PITPNM3: variants seen among roughly 807,000 people sequenced by gnomAD.
PITPNM3 encodes the protein PITPNM family member 3.
In PITPNM3, 26 loss-of-function variants were observed where a neutral mutation model predicts 102.0. The ratio of observed to expected loss-of-function variants is 0.25; its 90% confidence interval spans 0.19 to 0.35. The LOEUF (loss-of-function observed/expected upper bound fraction) is 0.35. Among genes scored for constraint, PITPNM3 ranks in the 10% least tolerant of loss-of-function variants. The pLI is 1.00. For missense variants in PITPNM3, 1,083 were observed against 1,346.1 expected (o/e 0.80, Z 3.06); for synonymous variants, 578 against 558.6 (o/e 1.03, Z -0.49).
intron 2 of PITPNM3, among the ~76,000 whole-genome samples, chr17:6,529,461 G>A (rs1484098910): frequency 6.6e-6 from 1 of 152,068 alleles, no homozygotes; most frequent in Non-Finnish European, 1.5e-5. Context: ...GGGCGTGGGG[G>A]CGGGTGTCTG....
At chr17:6,544,654 T>TCTCTCTCTCTCTCTCTCTCTCTCACA (rs376230474) in intron 1 of PITPNM3, among the ~76,000 whole-genome samples, 2 of 130,204 alleles carry the variant, frequency 1.5e-5, no homozygotes, top group Admixed American at 1.6e-4. Flanking sequence ...TCTCTCTCTC[T>TCTCTCTCTCTCTCTCTCTCTCTCACA]CACACACACA....
chr17:6,456,089 T>C (rs1252155738), intron 19 of PITPNM3, among the ~76,000 whole-genome samples: 2 of 152,180 alleles, frequency 1.3e-5, no homozygotes, highest in South Asian at 4.2e-4. Context: ...AGTAGCCCAG[T>C]CTCAGCTCAC....
At chr17:6,497,929 C>T (rs73978304) in intron 4 of PITPNM3, among the ~76,000 whole-genome samples, 2,269 of 152,312 alleles carry the variant, frequency 0.015, 62 homozygotes, top group African/African-American at 0.051. Context: ...CCTCGTGGAG[C>T]TGCTGAGACT....
intron 10 of PITPNM3, among the ~76,000 whole-genome samples, chr17:6,473,678 T>C (rs1198291558): frequency 6.6e-6 from 1 of 152,012 alleles, no homozygotes; most frequent in Non-Finnish European, 1.5e-5. Flanking sequence ...GAAAAGGCAT[T>C]CGAGGTTGCA....
intron 3 of PITPNM3, among the ~76,000 whole-genome samples, chr17:6,503,778 G>C (rs767377053): frequency 6.6e-6 from 1 of 152,048 alleles, no homozygotes; most frequent in Non-Finnish European, 1.5e-5. Context: ...GCCATTTCTG[G>C]GGAGAGTACG....
At chr17:6,531,150 A>G (rs781204427) in intron 2 of PITPNM3, among the ~76,000 whole-genome samples, 65 of 152,240 alleles carry the variant, frequency 4.3e-4, no homozygotes, top group Non-Finnish European at 7.6e-4. Context: ...TCCAATATCC[A>G]AATAATTGGA....
intron 3 of PITPNM3, among the ~76,000 whole-genome samples, chr17:6,507,651 C>T (rs1323903935): frequency 2.0e-5 from 3 of 152,240 alleles, no homozygotes; most frequent in Admixed American, 6.5e-5. Flanking sequence ...AACAGCAAAC[C>T]CAATACCTGC....
intron 1 of PITPNM3, among the ~76,000 whole-genome samples, chr17:6,544,977 G>A (rs1463119451): frequency 6.6e-6 from 1 of 152,124 alleles, no homozygotes; most frequent in African/African-American, 2.4e-5. Flanking sequence ...GCTTCCTACA[G>A]CCTGGCCGAG....
At chr17:6,522,002 C>T (rs1398279464) in intron 3 of PITPNM3, among the ~76,000 whole-genome samples, 2 of 152,178 alleles carry the variant, frequency 1.3e-5, no homozygotes, top group African/African-American at 2.4e-5. Context: ...AAAATTCACA[C>T]ATGAGTAATT....
chr17:6,524,923 A>G (rs76427234), intron 3 of PITPNM3, among the ~76,000 whole-genome samples: 3 of 151,720 alleles, frequency 2.0e-5, no homozygotes, highest in African/African-American at 4.8e-5. Context: ...TTCTTCAACA[A>G]CTCCACCAAA....
rs138307022 is a variant in PITPNM3 at position 6,475,109 on chromosome 17, GC to G, written c.1086-506del. Among the ~76,000 whole-genome samples, 438 of 152,314 alleles carry G rather than the reference GC, an allele frequency of 2.9e-3. 3 individuals are homozygous for G. The highest frequency in any genetic ancestry group is 0.01 in the African/African-American group (419 of 41,578). ...GCCCAGCCTGCCCAACACTCAGCTG[GC>G]TAACGTCAGTTCTGTTCTGCTGGGA... On this transcript the variant is annotated intron_variant, in intron 9 of 19. Coordinates refer to ENST00000262483, the MANE Select transcript of PITPNM3 (RefSeq NM_031220.4).
At chr17:6,496,863 C>T (rs891744081) in intron 4 of PITPNM3, among the ~76,000 whole-genome samples, 2 of 152,268 alleles carry the variant, frequency 1.3e-5, no homozygotes, top group Admixed American at 6.5e-5. Flanking sequence ...CAGAGACGCA[C>T]ACTCATCCTC....
intron 4 of PITPNM3, among the ~76,000 whole-genome samples, chr17:6,484,527 G>A (rs934149932): frequency 2.0e-5 from 3 of 152,210 alleles, no homozygotes; most frequent in Admixed American, 6.5e-5. Flanking sequence ...AGGCCATCGC[G>A]GATGGTGCTC....
chr17:6,547,190 G>A (rs1053387645), intron 1 of PITPNM3, among the ~76,000 whole-genome samples: 2 of 150,870 alleles, frequency 1.3e-5, no homozygotes, highest in African/African-American at 2.5e-5. Flanking sequence ...CTGTCATGCC[G>A]CCTGTTTCTA....
chr17:6,516,433 G>A (rs1304038598), intron 3 of PITPNM3, among the ~76,000 whole-genome samples: 4 of 140,998 alleles, frequency 2.8e-5, no homozygotes, highest in East Asian at 1.9e-4. Context: ...GCGTGGTGGC[G>A]GGCACCTGTA....
At chr17:6,550,855 T>C (rs1340821852) in intron 1 of PITPNM3, among the ~76,000 whole-genome samples, 1 of 152,226 alleles carries the variant, frequency 6.6e-6, no homozygotes, top group East Asian at 1.9e-4. Context: ...GGTCACAGGC[T>C]TGAGGTGGAA....
chr17:6,490,630 T>G (rs1906399807), intron 4 of PITPNM3, among the ~76,000 whole-genome samples: 1 of 151,870 alleles, frequency 6.6e-6, no homozygotes, highest in Non-Finnish European at 1.5e-5. Context: ...TGGGGCAAAT[T>G]AATAAACAAA....
chr17:6,516,456 C>T (rs1306049212), intron 3 of PITPNM3, among the ~76,000 whole-genome samples: 4 of 148,522 alleles, frequency 2.7e-5, no homozygotes, highest in Non-Finnish European at 4.4e-5. Context: ...CCCAGCTACT[C>T]GGGAGGCTGA....
intron 2 of PITPNM3, among the ~76,000 whole-genome samples, chr17:6,532,804 T>C (rs1365972990): frequency 6.6e-6 from 1 of 152,048 alleles, no homozygotes; most frequent in Non-Finnish European, 1.5e-5. Context: ...TGCTTTCTTT[T>C]TCTTGGGGAA....
Sources: allele counts gnomAD v4.1 joint callset (sites outside exome capture counted in the v4.1 genomes callset), GRCh38; gene constraint gnomAD v4.1.1; transcripts MANE v1.5; gene names NCBI Gene and HGNC (gene_info 2026-07-23, HGNC 2026-07-21).